Variants in ERLIN2 observed in about 807,000 individuals in gnomAD.
ERLIN2 encodes the protein erlin-2.
Under a neutral mutation model 41.5 loss-of-function variants are expected in ERLIN2, and 22 were observed. The observed-to-expected ratio is 0.53, with a 90% confidence interval of 0.38 to 0.76. The LOEUF is 0.76. ERLIN2 is among the 30% of genes least tolerant of loss of function. The pLI is 0.00. For missense variants in ERLIN2, 247 were observed against 414.3 expected (o/e 0.60, Z 3.51); for synonymous variants, 149 against 150.9 (o/e 0.99, Z 0.09).
intron 4 of ERLIN2, among the ~76,000 whole-genome samples, chr8:37,743,226 A>C (rs902658251): frequency 1.3e-5 from 2 of 152,266 alleles, no homozygotes; most frequent in African/African-American, 4.8e-5. Flanking sequence ...CAGCTATAAC[A>C]GATACGACAG....
Position 37,755,715 on chromosome 8 carries a change from CAGA to C in ERLIN2, c.*1603_*1605del, listed in dbSNP as rs1585921007. ...GTCCCAGAGCTTGGGCCAGCTTGCT[CAGA>C]AGTTTTGGGAGCATTGAGCCTGCCT... On this transcript the variant is annotated 3_prime_UTR_variant, in exon 12 of 12. Coordinates refer to ENST00000519638, the MANE Select transcript of ERLIN2 (RefSeq NM_007175.8). 2 of 152,142 alleles carry C rather than the reference CAGA, an allele frequency of 1.3e-5. No homozygotes were observed. The highest frequency in any genetic ancestry group is 3.9e-4 in the East Asian group (2 of 5,188). 9.4% of individuals were successfully genotyped at this position (152,142 alleles called of 1,614,324 possible).
intron 2 of ERLIN2, among the ~76,000 whole-genome samples, chr8:37,739,745 C>T (rs1054684654): frequency 4.6e-5 from 7 of 151,996 alleles, no homozygotes; most frequent in East Asian, 1.9e-4. Flanking sequence ...AGATCACAGG[C>T]GTGAGCCACC....
chr8:37,742,355 A>G (rs1347420563), intron 4 of ERLIN2, among the ~76,000 whole-genome samples: 14 of 151,934 alleles, frequency 9.2e-5, no homozygotes, highest in South Asian at 2.1e-4. Context: ...AAAAAAAAAA[A>G]AAGAAGTGAG....
In ERLIN2 at chr8:37,755,990, G is replaced by A. The variant is rs1803350214; in HGVS notation, c.*1875G>A. 1 of 152,304 alleles carries A rather than the reference G, an allele frequency of 6.6e-6. No individual in the cohort carries two copies. Among genetic ancestry groups the A allele is most frequent in the Non-Finnish European group, 1.5e-5 (1 of 68,174 alleles). 9.4% of individuals were successfully genotyped at this position (152,304 alleles called of 1,614,324 possible). A position where few individuals can be genotyped will look rare whatever the true frequency, so the allele number is the denominator to read the frequency against. Reference sequence around the variant, plus strand: ...GGATCACCTGAGGTTAGGAGTTCGAGACCACCCTGGCCAACATGCGAAACC... The same window carrying A: ...GGATCACCTGAGGTTAGGAGTTCGAAACCACCCTGGCCAACATGCGAAACC... On this transcript the variant is annotated 3_prime_UTR_variant, in exon 12 of 12. Coordinates refer to ENST00000519638, the MANE Select transcript of ERLIN2 (RefSeq NM_007175.8).
chr8:37,745,354 A>G (rs1169933422), intron 6 of ERLIN2: 2 of 586,906 alleles, frequency 3.4e-6, no homozygotes, highest in Non-Finnish European at 6.1e-6. Context: ...AAACAAAAAG[A>G]TTCCACGTGC....
At chr8:37,750,313 C>A in intron 8 of ERLIN2, 82 bp from the exon 9 acceptor site, 2 of 1,086,688 alleles carry the variant, frequency 1.8e-6, no homozygotes, top group Non-Finnish European at 1.4e-6. Context: ...TGCCTCTCTT[C>A]AGCAGAAGAA....
chr8:37,744,139 T>TAAC (rs897474696), intron 4 of ERLIN2, among the ~76,000 whole-genome samples: 14 of 152,200 alleles, frequency 9.2e-5, no homozygotes, highest in Non-Finnish European at 1.6e-4. Flanking sequence ...CATGTCTTTG[T>TAAC]AGAGATGTTC....
In ERLIN2 at chr8:37,753,435, C is replaced by T; in HGVS notation, c.740-15C>T. On this transcript the variant is annotated splice_polypyrimidine_tract_variant and intron_variant, in intron 10 of 11. Transcript: ENST00000519638. ...TTAGCACTTCACCAAGTTCACTGCACTCCTTCCCCCTCAGATGCTGCATTT... is the reference window on the plus strand; with the variant it reads ...TTAGCACTTCACCAAGTTCACTGCATTCCTTCCCCCTCAGATGCTGCATTT... 1 of 1,611,518 alleles carries T rather than the reference C, an allele frequency of 6.2e-7. No homozygotes were observed. The highest frequency in any genetic ancestry group is 8.5e-7 in the Non-Finnish European group (1 of 1,177,674).
chr8:37,747,571 G>A, intron 6 of ERLIN2: 1 of 1,612,308 alleles, frequency 6.2e-7, no homozygotes, highest in South Asian at 1.1e-5. Context: ...GGTCCGTTTG[G>A]TCATCATCAC....
In ERLIN2 at chr8:37,754,977, G is replaced by GT. The variant is rs1193124143; in HGVS notation, c.*864dup. 2 of 152,398 alleles carry GT rather than the reference G, an allele frequency of 1.3e-5. No homozygotes were observed. Among genetic ancestry groups the GT allele is most frequent in the East Asian group, 3.9e-4 (2 of 5,190 alleles). 9.4% of individuals were successfully genotyped at this position (152,398 alleles called of 1,614,324 possible). On this transcript the variant is annotated 3_prime_UTR_variant, in exon 12 of 12. Coordinates refer to ENST00000519638, the MANE Select transcript of ERLIN2 (RefSeq NM_007175.8). ...AGCCACTGCAGGACCTGCCTGACAG[G>GT]TTATGTGTGCACCTCGAGATGAAGT... is the stretch of plus-strand genomic sequence containing the variant.
At chr8:37,750,093 G>A in intron 8 of ERLIN2, 1 of 629,346 alleles carries the variant, frequency 1.6e-6, no homozygotes, top group Non-Finnish European at 2.8e-6. Context: ...AAGGGCCAGG[G>A]GGCCTTGTTT....
At position 37,750,493 on chromosome 8, in the gene ERLIN2, A is replaced by G. The variant is rs1314576992; in HGVS notation, c.649+7A>G. 1 of 1,609,528 alleles carries G rather than the reference A, an allele frequency of 6.2e-7. No homozygotes were observed. The highest frequency in any genetic ancestry group is 2.2e-5 in the East Asian group (1 of 44,884). ...CGGAAGAAGGCGCTCATTGGTCTGAATGTGGTTCTGTGATCCCCCTTTCCA... is the reference window on the plus strand; with the variant it reads ...CGGAAGAAGGCGCTCATTGGTCTGAGTGTGGTTCTGTGATCCCCCTTTCCA... On this transcript the variant is annotated splice_region_variant and intron_variant, in intron 9 of 11. Coordinates refer to ENST00000519638, the MANE Select transcript of ERLIN2 (RefSeq NM_007175.8).
In ERLIN2 at chr8:37,741,589, G is replaced by A. The variant is rs1802854241; in HGVS notation, c.190-183G>A. 6.6e-6 allele frequency among the ~76,000 whole-genome samples: 1 copy of A among 152,198 alleles called. No individual in the cohort carries two copies. The highest frequency in any genetic ancestry group is 2.1e-4 in the South Asian group (1 of 4,828). ...GTGGTTCACTTATAGTGAGGCTGGGGCACGGGCCTTTACTTGGCTTAGCAA... is the reference window on the plus strand; with the variant it reads ...GTGGTTCACTTATAGTGAGGCTGGGACACGGGCCTTTACTTGGCTTAGCAA... On this transcript the variant is annotated intron_variant, in intron 3 of 11. Coordinates refer to ENST00000519638, the MANE Select transcript of ERLIN2 (RefSeq NM_007175.8). This position sits in a 1 kb window ranked among gnomAD's most constrained non-coding sequence, Gnocchi z 4.8.
chr8:37,749,483 G>A (rs763834322), intron 6 of ERLIN2, 76 bp from the exon 7 acceptor site: 2 of 960,908 alleles, frequency 2.1e-6, no homozygotes, highest in Admixed American at 3.4e-5. Flanking sequence ...GATTGAGCTT[G>A]CACTTTACCT....
In ERLIN2 at chr8:37,753,917, GA is replaced by G. The variant is rs1430346336; in HGVS notation, c.824del (p.Lys275SerfsTer2). ...CATACTTTTTTTTTTTTTAACAGCT[GA>G]AGCTAACCCCTGAATATCTGCAGCT... ...AMKIAEANKL[K>X]LTPEYLQLMK... On this transcript the variant is annotated frameshift_variant, in exon 12 of 12. Coordinates refer to ENST00000519638, the MANE Select transcript of ERLIN2 (RefSeq NM_007175.8). LOFTEE classifies it high-confidence loss of function. 1 of 1,609,302 alleles carries G rather than the reference GA, an allele frequency of 6.2e-7. No homozygotes were observed. Among genetic ancestry groups the G allele is most frequent in the Non-Finnish European group, 8.5e-7 (1 of 1,176,866 alleles).
Position 37,737,940 on chromosome 8 carries a change from A to C in ERLIN2, c.18A>C (p.Ala6=), listed in dbSNP as rs965133805. ...GCTCACTGATGGCTCAGTTGGGAGC[A>C]GTTGTGGCTGTGGCTTCCAGTTTCT... MAQLG[A]VVAVASSFFC... Residue 6 remains alanine, a synonymous_variant, in exon 2 of 12, where the codon GCA becomes GCC. Coordinates refer to ENST00000519638, the MANE Select transcript of ERLIN2 (RefSeq NM_007175.8). 4 of 1,614,158 alleles carry C rather than the reference A, an allele frequency of 2.5e-6. No homozygotes were observed. Among genetic ancestry groups the C allele is most frequent in the Non-Finnish European group, 3.4e-6 (4 of 1,180,026 alleles).
chr8:37,751,123 C>T (rs1450876947), intron 9 of ERLIN2, among the ~76,000 whole-genome samples: 1 of 152,242 alleles, frequency 6.6e-6, no homozygotes, highest in African/African-American at 2.4e-5. Context: ...CTCACAACCA[C>T]TGTGGAGGTA....
Position 37,755,789 on chromosome 8 carries a change from C to G in ERLIN2, c.*1674C>G. The G allele has an allele frequency of 6.6e-6, 1 of 152,112 alleles. No homozygotes were observed. Among genetic ancestry groups the G allele is most frequent in the Non-Finnish European group, 1.5e-5 (1 of 68,046 alleles). 9.4% of individuals were successfully genotyped at this position (152,112 alleles called of 1,614,324 possible). On this transcript the variant is annotated 3_prime_UTR_variant, in exon 12 of 12. Coordinates refer to ENST00000519638, the MANE Select transcript of ERLIN2 (RefSeq NM_007175.8). ...CCCCTTACTTCAAAGTTGCCCTTCTCTGTTCTGACTCCTGGGACTTCTGGT... is the reference window on the plus strand; with the variant it reads ...CCCCTTACTTCAAAGTTGCCCTTCTGTGTTCTGACTCCTGGGACTTCTGGT...
At chr8:37,749,524 A>G (rs1400249815) in intron 6 of ERLIN2, 35 bp from the exon 7 acceptor site, 2 of 1,499,274 alleles carry the variant, frequency 1.3e-6, no homozygotes, top group Admixed American at 1.7e-5. Flanking sequence ...AGAAAGTGTA[A>G]CAACTCCTTT....
Sources: allele counts gnomAD v4.1 joint callset (sites outside exome capture counted in the v4.1 genomes callset), GRCh38; gene constraint gnomAD v4.1.1; non-coding constraint Gnocchi (gnomAD v3.1); transcripts MANE v1.5; gene names NCBI Gene and HGNC (gene_info 2026-07-23, HGNC 2026-07-21).